Variants in AMPD2 observed in about 807,000 individuals in gnomAD.
AMPD2 encodes adenosine monophosphate deaminase 2.
In AMPD2, 52 loss-of-function variants were observed where a neutral mutation model predicts 91.3. The observed-to-expected ratio is 0.57, with a 90% CI of 0.46 to 0.72. The LOEUF (loss-of-function observed/expected upper bound fraction) is 0.72. Among genes scored for constraint, AMPD2 ranks in the 30% least tolerant of loss-of-function variants. The pLI, the probability that AMPD2 is intolerant of heterozygous loss-of-function variation, is 0.00. For synonymous variants in AMPD2, 455 were observed against 456.4 expected (o/e 1.00, Z 0.04); for missense variants, 822 against 1,122.3 (o/e 0.73, Z 3.82).
rs1650641998 is a variant in AMPD2 at position 109,625,945 on chromosome 1, T to C, written c.353+153T>C. ...GGAGTCGGGCTGCTGGGTTCTGTTCTGTCTTCTAGCCGCCGGTGTGGCTGG... is the reference window on the plus strand; with the variant it reads ...GGAGTCGGGCTGCTGGGTTCTGTTCCGTCTTCTAGCCGCCGGTGTGGCTGG... On this transcript the variant is annotated intron_variant, in intron 4 of 18. Coordinates refer to ENST00000528667, the MANE Select transcript of AMPD2 (RefSeq NM_001368809.2). This position sits in a 1 kb window ranked among gnomAD's most constrained non-coding sequence, Gnocchi z 4.0. 1.6e-5 allele frequency: 21 copies of C among 1,311,344 alleles called. No individual in the cohort carries two copies. Among genetic ancestry groups the C allele is most frequent in the Non-Finnish European group, 2.1e-5 (20 of 954,972 alleles). 81.2% of individuals were successfully genotyped at this position (1,311,344 alleles called of 1,614,324 possible).
rs1198600671 is a variant in AMPD2 at position 109,627,525 on chromosome 1, C to T, written c.950+7C>T. On this transcript the variant is annotated splice_region_variant and intron_variant, in intron 9 of 18. Coordinates refer to ENST00000528667, the MANE Select transcript of AMPD2 (RefSeq NM_001368809.2). ...TGATTATCAATGGCCCCATGTGAGTCCCCTGCCATCCCAGACACTTAGCTC... is the reference window on the plus strand; with the variant it reads ...TGATTATCAATGGCCCCATGTGAGTTCCCTGCCATCCCAGACACTTAGCTC... 6.2e-7 allele frequency: 1 copy of T among 1,613,804 alleles called. No homozygotes were observed. Among genetic ancestry groups the T allele is most frequent in the East Asian group, 2.2e-5 (1 of 44,884 alleles).
chr1:109,625,905 C>T lies in AMPD2; in HGVS notation c.353+113C>T, dbSNP rs1311053298. ...TGCCTTGGGGGGTCTGCACAGGGAG[C>T]ATAGAGTGGGCTTTGGAGTCGGGCT... On this transcript the variant is annotated intron_variant, in intron 4 of 18. Coordinates refer to ENST00000528667, the MANE Select transcript of AMPD2 (RefSeq NM_001368809.2). The surrounding 1 kb of genome is among the most constrained non-coding windows in gnomAD (Gnocchi z 4.0). 5 of 1,485,552 alleles carry T rather than the reference C, an allele frequency of 3.4e-6. No individual in the cohort carries two copies. In the African/African-American group the frequency reaches 7.0e-5, roughly 21 times the overall value. The allele number at this position is 1,485,552 out of a possible 1,614,324, so 92.0% of individuals were successfully genotyped here.
chr1:109,630,673 G>T lies in AMPD2; in HGVS notation c.2158-10G>T. On this transcript the variant is annotated splice_polypyrimidine_tract_variant and intron_variant, in intron 17 of 18. Coordinates refer to ENST00000528667, the MANE Select transcript of AMPD2 (RefSeq NM_001368809.2). ...GGGCGCACTCGTCTGAGGGAACCTGGCCCGTGCAGGAGCCGCTGATGGAGG... is the reference window on the plus strand; with the variant it reads ...GGGCGCACTCGTCTGAGGGAACCTGTCCCGTGCAGGAGCCGCTGATGGAGG... 6.2e-7 allele frequency: 1 copy of T among 1,607,138 alleles called. No individual in the cohort carries two copies. The highest frequency in any genetic ancestry group is 8.5e-7 in the Non-Finnish European group (1 of 1,177,652).
At chr1:109,622,141 A>G (rs1007559573) in intron 2 of AMPD2, 3 of 453,820 alleles carry the variant, frequency 6.6e-6, no homozygotes, top group African/African-American at 4.0e-5. Flanking sequence ...GTCTGTAGCT[A>G]TAGCCCAAGT....
chr1:109,629,578 C>G, intron 15 of AMPD2, 88 bp downstream of exon 15: 1 of 1,536,062 alleles, frequency 6.5e-7, no homozygotes, highest in African/African-American at 1.4e-5. Context: ...GCCACTAGAC[C>G]TCTGACCCAC....
In AMPD2 at chr1:109,626,774, C is replaced by T. The variant is rs751043420; in HGVS notation, c.580C>T (p.Leu194Phe). Residue 194 changes from leucine to phenylalanine, a missense_variant, in exon 7 of 19, where the codon CTC becomes TTC. Leu to Phe is a conservative substitution (Grantham distance 22). Around this residue, in one of 5 missense-constraint regions of AMPD2, gnomAD observed 240 missense variants for 270.3 expected, o/e 0.89. Transcript: ENST00000528667. ...TGCAGCCAAGAGTGTGGTGCGGGCG[C>T]TCTTCATCCGGGAGAAGTACATGGC... ...LDAAKSVVRALFIREKYMALS... is the reference protein window; with the variant it reads ...LDAAKSVVRAFFIREKYMALS... The T allele has an allele frequency of 3.3e-5, 53 of 1,613,668 alleles. No individual in the cohort carries two copies. Among genetic ancestry groups the T allele is most frequent in the Non-Finnish European group, 4.5e-5 (53 of 1,179,862 alleles).
intron 2 of AMPD2, among the ~76,000 whole-genome samples, chr1:109,622,620 G>A (rs985252744): frequency 5.9e-5 from 9 of 152,154 alleles, no homozygotes; most frequent in South Asian, 2.1e-4. Context: ...AGAACGTAGC[G>A]GTTACTGCCC....
In AMPD2 at chr1:109,625,849, A is replaced by G; in HGVS notation, c.353+57A>G. 2 of 1,604,232 alleles carry G rather than the reference A, an allele frequency of 1.2e-6. No individual in the cohort carries two copies. Among genetic ancestry groups the G allele is most frequent in the Non-Finnish European group, 1.7e-6 (2 of 1,173,746 alleles). ...TCCATACCCTTCCAGACCCTTTCAG[A>G]GCCCCTTTTCTGCCTCTTTCCCTCG... On this transcript the variant is annotated intron_variant, in intron 4 of 18. Coordinates refer to ENST00000528667, the MANE Select transcript of AMPD2 (RefSeq NM_001368809.2). The surrounding 1 kb of genome is among the most constrained non-coding windows in gnomAD (Gnocchi z 4.0).
intron 2 of AMPD2, 46 bp downstream of exon 2, chr1:109,621,312 T>C: frequency 1.3e-6 from 2 of 1,598,062 alleles, no homozygotes; most frequent in Non-Finnish European, 1.7e-6. Context: ...GGGCTCTGTC[T>C]TGCCACCTCT....
rs563578390 is a variant in AMPD2, at chr1:109,629,789, C to T, written c.1863-7C>T. ...TCAGGAGCTGACACTGTCTTCATGT[C>T]CCCCAGGCAGAGGGGCTTCCACACG... On this transcript the variant is annotated splice_polypyrimidine_tract_variant and splice_region_variant and intron_variant, in intron 15 of 18. Transcript: ENST00000528667. 2 of 1,586,248 alleles carry T rather than the reference C, an allele frequency of 1.3e-6. No individual in the cohort carries two copies. The highest frequency in any genetic ancestry group is 1.7e-6 in the Non-Finnish European group (2 of 1,163,478).
intron 7 of AMPD2, 77 bp downstream of exon 7, chr1:109,626,989 G>A: frequency 6.4e-7 from 1 of 1,553,032 alleles, no homozygotes; most frequent in Non-Finnish European, 8.7e-7. Context: ...GGGCACCTCT[G>A]CCCTGCCTGC....
At position 109,625,827 on chromosome 1, in the gene AMPD2, A is replaced by G. The variant is rs1352172078; in HGVS notation, c.353+35A>G. Reference sequence around the variant, plus strand: ...GCAGGCAGCTGCTTAGTCTCCCTCCATACCCTTCCAGACCCTTTCAGAGCC... The same window carrying G: ...GCAGGCAGCTGCTTAGTCTCCCTCCGTACCCTTCCAGACCCTTTCAGAGCC... On this transcript the variant is annotated intron_variant, in intron 4 of 18. Coordinates refer to ENST00000528667, the MANE Select transcript of AMPD2 (RefSeq NM_001368809.2). This position sits in a 1 kb window ranked among gnomAD's most constrained non-coding sequence, Gnocchi z 4.0. 1.9e-6 allele frequency: 3 copies of G among 1,613,072 alleles called. No homozygotes were observed. Among genetic ancestry groups the G allele is most frequent in the Non-Finnish European group, 1.7e-6 (2 of 1,179,658 alleles).
At chr1:109,629,543 C>A (rs1274524533) in intron 15 of AMPD2, 53 bp downstream of exon 15, 5 of 1,597,706 alleles carry the variant, frequency 3.1e-6, no homozygotes, top group Non-Finnish European at 4.3e-6. Context: ...CCCAACAAAC[C>A]TCACTCTTGG....
Position 109,631,233 on chromosome 1 carries a change from C to T in AMPD2, c.*81C>T, listed in dbSNP as rs1651246059. The T allele has an allele frequency of 1.5e-6, 2 of 1,291,336 alleles. No individual in the cohort carries two copies. The highest frequency in any genetic ancestry group is 2.0e-5 in the Admixed American group (1 of 50,116). The allele number at this position is 1,291,336 out of a possible 1,614,324, so 80.0% of individuals were successfully genotyped here. A position where few individuals can be genotyped will look rare whatever the true frequency, so the allele number is the denominator to read the frequency against. ...AGACCCCGCCCATGCTGTGTGGTCTCTGCATGTCTCCATTCTTCTCTGTCT... is the reference window on the plus strand; with the variant it reads ...AGACCCCGCCCATGCTGTGTGGTCTTTGCATGTCTCCATTCTTCTCTGTCT... On this transcript the variant is annotated 3_prime_UTR_variant, in exon 19 of 19. Transcript: ENST00000528667.
Position 109,625,670 on chromosome 1 carries a change from C to T in AMPD2, c.231C>T (p.Phe77=), listed in dbSNP as rs1334454013. The change falls in exon 4 of 19, where the codon TTC becomes TTT. Residue 77 remains phenylalanine, a synonymous_variant. Transcript: ENST00000528667. This position sits in a 1 kb window ranked among gnomAD's most constrained non-coding sequence, Gnocchi z 4.0. ...GKCKEIAEEL[F]TRSLAESELR... ...TCCTTCCCTCCCCCCAGGAGCTGTT[C>T]ACCCGCTCACTGGCTGAGAGCGAGC... The T allele has an allele frequency of 3.1e-6, 5 of 1,614,066 alleles. No homozygotes were observed. Among genetic ancestry groups the T allele is most frequent in the Non-Finnish European group, 3.4e-6 (4 of 1,179,928 alleles).
Position 109,625,333 on chromosome 1 carries a change from T to A in AMPD2, c.122T>A (p.Leu41Gln). Residue 41 changes from leucine to glutamine, a missense_variant, in exon 3 of 19, where the codon CTG becomes CAG. Transcript: ENST00000528667. This position sits in a 1 kb window ranked among gnomAD's most constrained non-coding sequence, Gnocchi z 4.0. ...EARGGLGAPPLQSARSLPGPA... is the reference protein window; with the variant it reads ...EARGGLGAPPQQSARSLPGPA... ...CGGGGTGGTCTGGGGGCCCCTCCGC[T>A]GCAGTCTGCCCGATCCCTGCCGGGC... 6.2e-7 allele frequency: 1 copy of A among 1,613,284 alleles called. No individual in the cohort carries two copies. Among genetic ancestry groups the A allele is most frequent in the Non-Finnish European group, 8.5e-7 (1 of 1,179,864 alleles).
At position 109,625,188 on chromosome 1, in the gene AMPD2, C is replaced by T. The variant is rs1030420001; in HGVS notation, c.92-115C>T. 13 of 1,425,196 alleles carry T rather than the reference C, an allele frequency of 9.1e-6. No individual in the cohort carries two copies. The highest frequency in any genetic ancestry group is 1.4e-5 in the African/African-American group (1 of 70,300). The allele number at this position is 1,425,196 out of a possible 1,614,324, so 88.3% of individuals were successfully genotyped here. ...CTACTCCTCAGCTACTGAGGAGGGACTGCCCTCTTTCCCGACCCTGGGCTC... is the reference window on the plus strand; with the variant it reads ...CTACTCCTCAGCTACTGAGGAGGGATTGCCCTCTTTCCCGACCCTGGGCTC... On this transcript the variant is annotated intron_variant, in intron 2 of 18. Transcript: ENST00000528667. The surrounding 1 kb of genome is among the most constrained non-coding windows in gnomAD (Gnocchi z 4.0).
rs764667659 is a variant in AMPD2 at position 109,621,193 on chromosome 1, T to G, written c.18T>G (p.Ser6=). Reference sequence around the variant, plus strand: ...TCCCAGCCATGGCATCCTATCCATCTGGCTCTGGCAAGCCCAAGGCCAAAT... The same window carrying G: ...TCCCAGCCATGGCATCCTATCCATCGGGCTCTGGCAAGCCCAAGGCCAAAT... The part of the protein sequence containing the change: MASYP[S]GSGKPKAKYP... Residue 6 remains serine (S), a synonymous_variant, in exon 2 of 19, where the codon TCT becomes TCG. Transcript: ENST00000528667. 6.2e-7 allele frequency: 1 copy of G among 1,607,448 alleles called. No individual in the cohort carries two copies. Among genetic ancestry groups the G allele is most frequent in the Non-Finnish European group, 8.5e-7 (1 of 1,176,756 alleles).
At chr1:109,622,842 C>A (rs1451943641) in intron 2 of AMPD2, among the ~76,000 whole-genome samples, 1 of 152,078 alleles carries the variant, frequency 6.6e-6, no homozygotes, top group Non-Finnish European at 1.5e-5. Flanking sequence ...GGTCGGCCTC[C>A]CCTAGAAGGA....
Sources: allele counts gnomAD v4.1 joint callset (sites outside exome capture counted in the v4.1 genomes callset), GRCh38; gene constraint gnomAD v4.1.1; regional missense constraint gnomAD v4.1.1; non-coding constraint Gnocchi (gnomAD v3.1); transcripts MANE v1.5; gene names NCBI Gene and HGNC (gene_info 2026-07-23, HGNC 2026-07-21).